DNAH9: variants seen among roughly 807,000 people sequenced by gnomAD.
The protein encoded by DNAH9 is dynein axonemal heavy chain 9.
A neutral mutation model predicts 471.6 loss-of-function variants in DNAH9; 345 were observed. The observed-to-expected ratio is 0.73, with a 90% CI of 0.67 to 0.80. DNAH9 has a LOEUF of 0.80. Ranked by LOEUF, DNAH9 falls within the 30% of genes least tolerant of loss-of-function variation. DNAH9 has a pLI of 0.00. For missense variants in DNAH9, 5,407 were observed against 5,609.2 expected, an observed-to-expected ratio of 0.96 and a Z score of 1.15; for synonymous variants, 2,093 against 2,123.6, an observed-to-expected ratio of 0.99 and a Z score of 0.40.
rs925624553 is a variant in DNAH9, at chr17:11,598,543, G to A, written c.45G>A (p.Ala15=). 65 of 1,409,266 alleles carry A rather than the reference G, an allele frequency of 4.6e-5. No individual in the cohort carries two copies. The highest frequency in any genetic ancestry group is 5.9e-5 in the Non-Finnish European group (64 of 1,089,338). 87.3% of individuals were successfully genotyped at this position (1,409,266 alleles called of 1,614,324 possible). A position where few individuals can be genotyped will look rare whatever the true frequency, so the allele number is the denominator to read the frequency against. Residue 15 remains alanine, a synonymous_variant, in exon 1 of 69, where the codon GCG becomes GCA. Coordinates refer to ENST00000262442, the MANE Select transcript of DNAH9 (RefSeq NM_001372.4). The part of the protein sequence containing the change: ...EERAALAAEN[A]DGEPGADRRL... ...GGGCCGCGCTCGCGGCGGAGAACGC[G>A]GATGGGGAACCCGGCGCCGACCGAC...
intron 39 of DNAH9, among the ~76,000 whole-genome samples, chr17:11,782,326 T>C (rs1034098514): frequency 3.3e-5 from 5 of 152,228 alleles, no homozygotes; most frequent in African/African-American, 1.2e-4. Context: ...GGCCTTAGTA[T>C]GTCCACTCTC....
chr17:11,607,239 G>A (rs1174054899), intron 1 of DNAH9, among the ~76,000 whole-genome samples: 1 of 152,184 alleles, frequency 6.6e-6, no homozygotes, highest in Non-Finnish European at 1.5e-5. Flanking sequence ...CTGCCTGAGA[G>A]TGATGGAGAT....
rs376097072 is a variant in DNAH9 at position 11,769,407 on chromosome 17, A to C, written c.7552+78A>C. 2.1e-4 allele frequency: 287 copies of C among 1,349,200 alleles called. 1 individual carries two copies. The African/African-American group carries it at 3.3e-3, about 15-fold the overall frequency. 83.6% of individuals were successfully genotyped at this position (1,349,200 alleles called of 1,614,324 possible). ...TGACACAGAGCTGAAGCCAAGCGTC[A>C]GGTGCCTGCCTGACTTGAGTTCTGC... On this transcript the variant is annotated intron_variant, in intron 38 of 68. Coordinates refer to ENST00000262442, the MANE Select transcript of DNAH9 (RefSeq NM_001372.4).
Position 11,871,663 on chromosome 17 carries a change from A to G in DNAH9, c.10119A>G (p.Glu3373=), listed in dbSNP as rs752067152. ...ADAVQNFKQQ[E]RTLCGDILLI... ...CCGTGCAGAACTTCAAACAGCAGGA[A>G]AGGACGTTATGTGGAGACATTTTAC... is the stretch of plus-strand genomic sequence containing the variant. Residue 3373 remains glutamate, a synonymous_variant, in exon 52 of 69, where the codon GAA becomes GAG. Coordinates refer to ENST00000262442, the MANE Select transcript of DNAH9 (RefSeq NM_001372.4). 2 of 1,614,194 alleles carry G rather than the reference A, an allele frequency of 1.2e-6. No homozygotes were observed. The highest frequency in any genetic ancestry group is 3.3e-5 in the Admixed American group (2 of 60,026).
chr17:11,832,374 C>G (rs1970710448), intron 48 of DNAH9, among the ~76,000 whole-genome samples: 1 of 152,170 alleles, frequency 6.6e-6, no homozygotes, highest in Non-Finnish European at 1.5e-5. Context: ...TCAAATCTCC[C>G]AAGATTTAAA....
rs981255096 is a variant in DNAH9 at position 11,610,307 on chromosome 17, A to T, written c.615-89A>T. On this transcript the variant is annotated intron_variant, in intron 2 of 68. Transcript: ENST00000262442. ...TCTCACCTATTTTTTTAAATTTGGG[A>T]TTCTGTCTTGGGGTACACCCAGGGT... 3.9e-6 allele frequency: 4 copies of T among 1,021,368 alleles called. No individual in the cohort carries two copies. The African/African-American group carries it at 4.9e-5, about 12-fold the overall frequency. 63.3% of individuals were successfully genotyped at this position (1,021,368 alleles called of 1,614,324 possible).
rs559063701 is a variant in DNAH9 at position 11,935,673 on chromosome 17, C to T, written c.12489+1602C>T. On this transcript the variant is annotated intron_variant, in intron 65 of 68. Transcript: ENST00000262442. ...ACAGGCGTGAGCCACCGCGCCCGGC[C>T]CGAAAGATATTTTTTAGCAGTTTTT... 2.0e-5 allele frequency among the ~76,000 whole-genome samples: 3 copies of T among 152,168 alleles called. No individual in the cohort carries two copies. The South Asian group carries it at 6.2e-4, about 32-fold the overall frequency.
intron 35 of DNAH9, among the ~76,000 whole-genome samples, chr17:11,763,098 G>A (rs1463014187): frequency 3.9e-5 from 6 of 151,992 alleles, no homozygotes; most frequent in Admixed American, 2.0e-4. Flanking sequence ...TGAAATGAGC[G>A]AAAAAGTTAC....
Position 11,969,342 on chromosome 17 carries a change from C to T in DNAH9, c.13276C>T (p.Pro4426Ser). The T allele has an allele frequency of 6.2e-7, 1 of 1,614,014 alleles. No individual in the cohort carries two copies. The highest frequency in any genetic ancestry group is 8.5e-7 in the Non-Finnish European group (1 of 1,179,994). Reference protein sequence around the residue: ...TEAKLKDLTPPMPVMFIKAIP... With the variant: ...TEAKLKDLTPSMPVMFIKAIP... The stretch of plus-strand genomic sequence containing the variant: ...GGCAAAGCTGAAGGATCTGACACCC[C>T]CTATGCCTGTGATGTTCATCAAGGC... Residue 4426 changes from proline (P) to serine (S), a missense_variant, in exon 69 of 69, where the codon CCT (proline) becomes TCT (serine). Pro to Ser is a moderately conservative substitution (Grantham distance 74, BLOSUM62 -1). This residue lies in a region of DNAH9 where 4,636 missense variants were observed against 4,900.3 expected (regional missense o/e 0.95). Coordinates refer to ENST00000262442, the MANE Select transcript of DNAH9 (RefSeq NM_001372.4).
chr17:11,692,679 CT>C (rs145422578), intron 20 of DNAH9, among the ~76,000 whole-genome samples: 16 of 148,580 alleles, frequency 1.1e-4, no homozygotes, highest in South Asian at 2.2e-4. Flanking sequence ...TGTTATCCGC[CT>C]TTTTTTTTTC....
chr17:11,715,877 T>C (rs1480054954), intron 26 of DNAH9, among the ~76,000 whole-genome samples: 1 of 152,038 alleles, frequency 6.6e-6, no homozygotes, highest in Non-Finnish European at 1.5e-5. Context: ...CAGCTCTACA[T>C]GGTCTGCTGG....
intron 17 of DNAH9, among the ~76,000 whole-genome samples, chr17:11,674,754 AT>A (rs2074024500): frequency 6.6e-6 from 1 of 151,762 alleles, no homozygotes; most frequent in Non-Finnish European, 1.5e-5. Flanking sequence ...AAATAAATCC[AT>A]TTTTTGCCCT....
chr17:11,744,447 A>C (rs541556300), intron 30 of DNAH9, among the ~76,000 whole-genome samples: 2 of 152,246 alleles, frequency 1.3e-5, no homozygotes, highest in Admixed American at 1.3e-4. Flanking sequence ...AGCGTCTACC[A>C]TCTCTAAGAG....
chr17:11,937,635 G>A lies in DNAH9; in HGVS notation c.12660+113G>A. Reference sequence around the variant, plus strand: ...GTACACAGCATAGACAACACACAAAGCACCAACCACCTGCAGCCTGGAGAT... The same window carrying A: ...GTACACAGCATAGACAACACACAAAACACCAACCACCTGCAGCCTGGAGAT... On this transcript the variant is annotated intron_variant, in intron 66 of 68. Transcript: ENST00000262442. This position sits in a 1 kb window ranked among gnomAD's most constrained non-coding sequence, Gnocchi z 4.1. 2 of 1,197,312 alleles carry A rather than the reference G, an allele frequency of 1.7e-6. No homozygotes were observed. Among genetic ancestry groups the A allele is most frequent in the Non-Finnish European group, 2.2e-6 (2 of 901,476 alleles). The allele number at this position is 1,197,312 out of a possible 1,614,324, so 74.2% of individuals were successfully genotyped here. A position where few individuals can be genotyped will look rare whatever the true frequency, so the allele number is the denominator to read the frequency against.
chr17:11,743,293 G>T (rs1050392760), intron 30 of DNAH9, among the ~76,000 whole-genome samples: 1 of 152,092 alleles, frequency 6.6e-6, no homozygotes, highest in African/African-American at 2.4e-5. Flanking sequence ...ATGATTCTAT[G>T]TTCTGGATAT....
At chr17:11,636,057 G>A (rs2073159387) in intron 8 of DNAH9, among the ~76,000 whole-genome samples, 1 of 151,844 alleles carries the variant, frequency 6.6e-6, no homozygotes, top group Non-Finnish European at 1.5e-5. Context: ...GGAGTGCAAT[G>A]GCACGATCTT....
intron 67 of DNAH9, 97 bp downstream of exon 67, chr17:11,942,582 G>A (rs957973786): frequency 7.5e-7 from 1 of 1,338,124 alleles, no homozygotes; most frequent in Non-Finnish European, 1.0e-6. Flanking sequence ...TGAAAGCTGG[G>A]GAGCAGTTGT....
At chr17:11,883,788 G>T (rs374363050) in intron 56 of DNAH9, 38 bp downstream of exon 56, 6 of 1,590,216 alleles carry the variant, frequency 3.8e-6, no homozygotes, top group Non-Finnish European at 5.1e-6. Flanking sequence ...GGCAGCCTAG[G>T]CTGGGGTCCT....
chr17:11,716,563 T>C lies in DNAH9; in HGVS notation c.5553-2771T>C, dbSNP rs189148018. On this transcript the variant is annotated intron_variant, in intron 26 of 68. Transcript: ENST00000262442. ...TTCTTGTGAGGGGAAGACAATGATA[T>C]TTTGACATTTCCCCCAAAAGATAAT... 2.4e-3 allele frequency among the ~76,000 whole-genome samples: 370 copies of C among 152,272 alleles called. 2 individuals carry two copies. Among genetic ancestry groups the C allele is most frequent in the African/African-American group, 8.4e-3 (351 of 41,550 alleles).
Sources: gnomAD v4.1 joint callset for allele counts (sites outside exome capture counted in the v4.1 genomes callset) on GRCh38, gnomAD v4.1.1 for gene constraint, gnomAD v4.1.1 regional missense constraint, Gnocchi (gnomAD v3.1) non-coding constraint, MANE v1.5 for transcripts, NCBI Gene and HGNC (gene_info 2026-07-23, HGNC 2026-07-21) for gene names.